The following SMARCC1 variants were observed in gnomAD, a reference collection of about 807,000 sequenced individuals.
SMARCC1 encodes the protein SWI/SNF complex subunit SMARCC1.
Under a neutral mutation model 147.4 loss-of-function variants are expected in SMARCC1, and 43 were observed. That is an observed-to-expected ratio of 0.29 (90% confidence interval 0.23 to 0.38). SMARCC1 has a LOEUF of 0.38. Among genes scored for constraint, SMARCC1 ranks in the 10% least tolerant of loss-of-function variants. The pLI is 1.00. For synonymous variants in SMARCC1, 495 were observed against 484.4 expected (o/e 1.02, Z -0.29); for missense variants, 1,119 against 1,381.1 (o/e 0.81, Z 3.01).
In SMARCC1 at chr3:47,701,335, C is replaced by G. The variant is rs748235499; in HGVS notation, c.1108G>C (p.Asp370His). The change falls in exon 11 of 28, where the codon GAT becomes CAT. Residue 370 changes from aspartate to histidine, a missense_variant. Physicochemically the swap from Asp to His is moderately conservative, Grantham distance 81. Around this residue, in one of 6 missense-constraint regions of SMARCC1, gnomAD observed 542 missense variants for 611.8 expected, o/e 0.89. Transcript: ENST00000254480. ...GGTACAGGTGTTGGGTCTTCCATAT[C>G]CTTGGTTAGATCTTCTTGCTCATCT... Reference protein sequence around the residue: ...EEDEQEDLTKDMEDPTPVPNI... With the variant: ...EEDEQEDLTKHMEDPTPVPNI... The G allele has an allele frequency of 6.2e-6, 10 of 1,613,138 alleles. No homozygotes were observed. The African/African-American group carries it at 1.3e-4, about 22-fold the overall frequency.
At chr3:47,588,377 G>T in intron 27 of SMARCC1, 71 bp from the exon 28 acceptor site, 1 of 1,423,972 alleles carries the variant, frequency 7.0e-7, no homozygotes, top group Non-Finnish European at 9.7e-7. Context: ...CCTATTCAGT[G>T]AAAAAAAGAC....
intron 8 of SMARCC1, among the ~76,000 whole-genome samples, chr3:47,713,242 C>T (rs925974783): frequency 1.3e-5 from 2 of 151,718 alleles, no homozygotes; most frequent in African/African-American, 4.8e-5. Flanking sequence ...GGTGTGAACC[C>T]GGGAGGTGGA....
chr3:47,685,305 A>G (rs1415462630), intron 14 of SMARCC1, among the ~76,000 whole-genome samples: 1 of 152,148 alleles, frequency 6.6e-6, no homozygotes, highest in Admixed American at 6.5e-5. Context: ...TCATCCCACT[A>G]CTCAGAATAA....
intron 26 of SMARCC1, among the ~76,000 whole-genome samples, chr3:47,597,724 G>T (rs781337145): frequency 6.6e-6 from 1 of 152,236 alleles, no homozygotes; most frequent in Non-Finnish European, 1.5e-5. Flanking sequence ...AGTCTCCTGA[G>T]TTGCTGGGAC....
chr3:47,690,717 T>A (rs1454260885), intron 12 of SMARCC1, among the ~76,000 whole-genome samples: 9 of 152,176 alleles, frequency 5.9e-5, no homozygotes. Context: ...AATAGTGAAG[T>A]GCAAACACAT....
intron 3 of SMARCC1, among the ~76,000 whole-genome samples, chr3:47,743,062 C>A (rs1335866139): frequency 6.6e-6 from 1 of 152,114 alleles, no homozygotes; most frequent in African/African-American, 2.4e-5. Context: ...ATAGTGCTTG[C>A]CGTAATAACA....
At chr3:47,714,846 T>G (rs766459630) in intron 7 of SMARCC1, among the ~76,000 whole-genome samples, 8 of 152,112 alleles carry the variant, frequency 5.3e-5, no homozygotes, top group Non-Finnish European at 1.0e-4. Context: ...TAAAATCTAT[T>G]AATAGAAACT....
chr3:47,684,962 T>C (rs189549981), intron 14 of SMARCC1, among the ~76,000 whole-genome samples: 1 of 152,352 alleles, frequency 6.6e-6, no homozygotes, highest in East Asian at 1.9e-4. Context: ...CAATTTATTA[T>C]ACACAATTTC....
chr3:47,730,052 G>A (rs752961277), intron 5 of SMARCC1, among the ~76,000 whole-genome samples: 4 of 152,182 alleles, frequency 2.6e-5, no homozygotes, highest in East Asian at 1.9e-4. Context: ...GGTGGCACAC[G>A]TCTGTAATCT....
intron 6 of SMARCC1, among the ~76,000 whole-genome samples, chr3:47,726,283 C>T (rs1033595876): frequency 6.6e-6 from 1 of 151,360 alleles, no homozygotes; most frequent in Non-Finnish European, 1.5e-5. Context: ...AAAGAGAGAA[C>T]ATGGCCCAGT....
intron 2 of SMARCC1, among the ~76,000 whole-genome samples, chr3:47,746,772 C>G (rs2034568862): frequency 6.7e-6 from 1 of 148,784 alleles, no homozygotes; most frequent in African/African-American, 2.5e-5. Flanking sequence ...CTTTTGTTGC[C>G]CAGGCTGGAG....
At chr3:47,697,986 C>A (rs552823668) in intron 11 of SMARCC1, among the ~76,000 whole-genome samples, 2 of 103,044 alleles carry the variant, frequency 1.9e-5, no homozygotes, top group African/African-American at 3.8e-5. Flanking sequence ...CCAGCCTGGG[C>A]GAGAGCGAGC....
chr3:47,745,795 C>T, intron 3 of SMARCC1, 113 bp downstream of exon 3: 1 of 563,948 alleles, frequency 1.8e-6, no homozygotes, highest in Non-Finnish European at 3.1e-6. Context: ...AATTAGGGCT[C>T]TTGGTAAAAC....
intron 24 of SMARCC1, among the ~76,000 whole-genome samples, chr3:47,633,270 A>G (rs1222607759): frequency 1.3e-5 from 2 of 152,176 alleles, no homozygotes; most frequent in African/African-American, 4.8e-5. Flanking sequence ...AGATTAAGGG[A>G]TGCTGACCTG....
At chr3:47,675,451 C>T in intron 18 of SMARCC1, 24 bp downstream of exon 18, 3 of 1,134,290 alleles carry the variant, frequency 2.6e-6, no homozygotes, top group Middle Eastern at 4.1e-4. Context: ...TGGATTGCAG[C>T]CCATGTGTGA....
At chr3:47,780,343 G>C (rs1171613166) in intron 1 of SMARCC1, among the ~76,000 whole-genome samples, 1 of 151,664 alleles carries the variant, frequency 6.6e-6, no homozygotes, top group Non-Finnish European at 1.5e-5. Flanking sequence ...GACTAATTTT[G>C]TATTTTTTGG....
intron 14 of SMARCC1, among the ~76,000 whole-genome samples, chr3:47,683,451 T>C (rs1197025212): frequency 2.6e-5 from 4 of 152,186 alleles, no homozygotes; most frequent in African/African-American, 7.2e-5. Flanking sequence ...CTATATTCTT[T>C]TAAATTGTCT....
chr3:47,728,469 A>G (rs1333517389), intron 6 of SMARCC1, among the ~76,000 whole-genome samples: 1 of 151,788 alleles, frequency 6.6e-6, no homozygotes, highest in Non-Finnish European at 1.5e-5. Context: ...TGCTTTTATT[A>G]TTTCCTTTTT....
intron 12 of SMARCC1, 96 bp from the exon 13 acceptor site, chr3:47,689,520 G>A: frequency 1.0e-6 from 1 of 994,912 alleles, no homozygotes; most frequent in Non-Finnish European, 1.6e-6. Context: ...ACTGGACAGA[G>A]AAAAGGAATG....
Sources: allele counts gnomAD v4.1 joint callset (sites outside exome capture counted in the v4.1 genomes callset), GRCh38; gene constraint gnomAD v4.1.1; regional missense constraint gnomAD v4.1.1; transcripts MANE v1.5; gene names NCBI Gene and HGNC (gene_info 2026-07-23, HGNC 2026-07-21).